GPR158: variants seen among roughly 807,000 people sequenced by gnomAD.
GPR158 encodes the protein G protein-coupled receptor 158, also known as metabotropic glycine receptor.
A neutral mutation model predicts 78.2 loss-of-function variants in GPR158; 30 were observed. That is an observed-to-expected ratio of 0.38 (90% CI 0.29 to 0.52). The LOEUF is 0.52. Among genes scored for constraint, GPR158 ranks in the 20% least tolerant of loss-of-function variants. The pLI is 0.83. For synonymous variants in GPR158, 581 were observed against 591.1 expected, an observed-to-expected ratio of 0.98 and a Z score of 0.25; for missense variants, 1,463 against 1,523.5, an observed-to-expected ratio of 0.96 and a Z score of 0.66.
rs1329707965 is a variant in GPR158, at chr10:25,538,048, A to G, written c.1405-12928A>G. Among the ~76,000 whole-genome samples the G allele has an allele frequency of 2.0e-5, 3 of 152,334 alleles. No individual in the cohort carries two copies. The East Asian group carries it at 5.8e-4, about 29-fold the overall frequency. On this transcript the variant is annotated intron_variant, in intron 5 of 10. Transcript: ENST00000376351. ...CATTTTAGAAAAGATCAATCTTTTC[A>G]AAACAATACAAAATGAAAAAAATTT...
chr10:25,408,527 GACTTTTGAC>G (rs1834544864), intron 3 of GPR158, among the ~76,000 whole-genome samples: 1 of 152,134 alleles, frequency 6.6e-6, no homozygotes, highest in Admixed American at 6.6e-5. Flanking sequence ...AGTGCTCTAT[GACTTTTGAC>G]ACTGTAGTCA....
intron 2 of GPR158, among the ~76,000 whole-genome samples, chr10:25,268,158 C>G (rs772099457): frequency 1.3e-5 from 2 of 151,940 alleles, no homozygotes; most frequent in African/African-American, 2.4e-5. Flanking sequence ...TGAATACTCT[C>G]TATATAAAAT....
chr10:25,422,587 T>C (rs1019474970), intron 4 of GPR158, among the ~76,000 whole-genome samples: 3 of 150,992 alleles, frequency 2.0e-5, no homozygotes, highest in Non-Finnish European at 4.4e-5. Context: ...CTTTTTGACT[T>C]TCTCTTACTA....
intron 2 of GPR158, among the ~76,000 whole-genome samples, chr10:25,316,925 ATGTGTGTG>A (rs757331504): frequency 1.2e-4 from 11 of 90,576 alleles, no homozygotes; most frequent in Non-Finnish European, 2.6e-4. Context: ...GTGTGTGTGT[ATGTGTGTG>A]TATATATATA....
chr10:25,545,025 A>G, intron 5 of GPR158, among the ~76,000 whole-genome samples: 1 of 152,178 alleles, frequency 6.6e-6, no homozygotes, highest in Non-Finnish European at 1.5e-5. Flanking sequence ...TCTCCCTGCA[A>G]AGGACATGAA....
At chr10:25,279,560 C>T (rs73608254) in intron 2 of GPR158, among the ~76,000 whole-genome samples, 6 of 152,086 alleles carry the variant, frequency 3.9e-5, no homozygotes, top group African/African-American at 1.4e-4. Context: ...GAAATAAAGA[C>T]AGTTATTTAA....
chr10:25,474,829 C>T (rs947069557), intron 5 of GPR158, among the ~76,000 whole-genome samples: 2 of 152,224 alleles, frequency 1.3e-5, no homozygotes, highest in Non-Finnish European at 1.5e-5. Flanking sequence ...GAAGCACCCT[C>T]CAAAGACTCT....
chr10:25,211,527 T>C (rs942729909), intron 1 of GPR158, among the ~76,000 whole-genome samples: 2 of 152,060 alleles, frequency 1.3e-5, no homozygotes, highest in Non-Finnish European at 2.9e-5. Flanking sequence ...GCAAACCCAC[T>C]CCCTTAATAA....
At chr10:25,421,999 T>C (rs1312186862) in intron 4 of GPR158, among the ~76,000 whole-genome samples, 1 of 152,192 alleles carries the variant, frequency 6.6e-6, no homozygotes, top group African/African-American at 2.4e-5. Flanking sequence ...TGCTTTTGAG[T>C]TCTGACTTTT....
At chr10:25,543,220 G>A (rs942100619) in intron 5 of GPR158, among the ~76,000 whole-genome samples, 1 of 151,878 alleles carries the variant, frequency 6.6e-6, no homozygotes, top group Admixed American at 6.6e-5. Flanking sequence ...TCCCAGGTTC[G>A]AGAAATTCTC....
In GPR158 at chr10:25,323,205, A is replaced by G. The variant is rs1854981176; in HGVS notation, c.1009-72706A>G. Among the ~76,000 whole-genome samples the G allele has an allele frequency of 1.3e-5, 2 of 152,174 alleles. 1 individual carries two copies. Among genetic ancestry groups the G allele is most frequent in the South Asian group, 4.1e-4 (2 of 4,826 alleles). The stretch of plus-strand genomic sequence containing the variant: ...TTCAGTAAGCCATGCTATACACAGT[A>G]AGCCATGCTATACACAATGCTGTCA... On this transcript the variant is annotated intron_variant, in intron 2 of 10. Transcript: ENST00000376351.
chr10:25,257,962 G>A (rs1047453189), intron 2 of GPR158, among the ~76,000 whole-genome samples: 5 of 152,092 alleles, frequency 3.3e-5, no homozygotes, highest in African/African-American at 9.7e-5. Flanking sequence ...CTGACTCTTC[G>A]AGATGGGAAT....
At chr10:25,229,259 C>T (rs929386690) in intron 2 of GPR158, among the ~76,000 whole-genome samples, 32 of 152,128 alleles carry the variant, frequency 2.1e-4, no homozygotes, top group Non-Finnish European at 4.4e-5. Context: ...GCAGATTCAT[C>T]GCTATATTTA....
At position 25,440,817 on chromosome 10, in the gene GPR158, G is replaced by A. The variant is rs368146099; in HGVS notation, c.1336-25834G>A. On this transcript the variant is annotated intron_variant, in intron 4 of 10. Transcript: ENST00000376351. ...TAGTACTGTTTTATAATACTGCTGAGGGCTCTTAAGGGGTATATGTTATTT... is the reference window on the plus strand; with the variant it reads ...TAGTACTGTTTTATAATACTGCTGAAGGCTCTTAAGGGGTATATGTTATTT... Among the ~76,000 whole-genome samples, 13 of 152,162 alleles carry A rather than the reference G, an allele frequency of 8.5e-5. No homozygotes were observed. In the South Asian group the frequency reaches 2.5e-3, roughly 29 times the overall value.
intron 2 of GPR158, among the ~76,000 whole-genome samples, chr10:25,260,173 T>G (rs191297851): frequency 2.0e-5 from 3 of 152,266 alleles, no homozygotes; most frequent in East Asian, 1.9e-4. Flanking sequence ...GATTTTTTTG[T>G]TTGTTTGTCA....
At chr10:25,516,294 C>T (rs751151985) in intron 5 of GPR158, among the ~76,000 whole-genome samples, 4,478 of 147,670 alleles carry the variant, frequency 0.03, 108 homozygotes, top group East Asian at 0.051. Context: ...GAGTAGGTTG[C>T]GAAAATTTTC....
At chr10:25,196,492 G>A (rs1852846420) in intron 1 of GPR158, among the ~76,000 whole-genome samples, 1 of 152,138 alleles carries the variant, frequency 6.6e-6, no homozygotes, top group Non-Finnish European at 1.5e-5. Flanking sequence ...CACCAGTTCT[G>A]CTAAATATGA....
intron 6 of GPR158, among the ~76,000 whole-genome samples, chr10:25,559,630 CATATT>C (rs375378623): frequency 4.6e-5 from 7 of 152,096 alleles, no homozygotes; most frequent in South Asian, 2.1e-4. Context: ...CTCAGAAAGC[CATATT>C]ATGAGAAAAG....
chr10:25,449,752 G>A (rs964546392), intron 4 of GPR158, among the ~76,000 whole-genome samples: 12 of 152,158 alleles, frequency 7.9e-5, no homozygotes, highest in African/African-American at 2.7e-4. Flanking sequence ...CACAAAAAAT[G>A]TATGTGAGGT....
Sources: gnomAD v4.1 joint callset for allele counts (sites outside exome capture counted in the v4.1 genomes callset) on GRCh38, gnomAD v4.1.1 for gene constraint, MANE v1.5 for transcripts, NCBI Gene and HGNC (gene_info 2026-07-23, HGNC 2026-07-21) for gene names.